TNFRSF13B: variants seen among roughly 807,000 people sequenced by gnomAD.
TNFRSF13B encodes the protein tumor necrosis factor receptor superfamily member 13B.
A neutral mutation model predicts 24.0 loss-of-function variants in TNFRSF13B; 34 were observed. The ratio of observed to expected loss-of-function variants is 1.41; its 90% CI spans 1.08 to 1.88. TNFRSF13B has a LOEUF of 1.88. Among genes scored for constraint, TNFRSF13B ranks in the 40% most tolerant of loss-of-function variants. The pLI is 0.00. For synonymous variants in TNFRSF13B, 173 were observed against 150.3 expected, an observed-to-expected ratio of 1.15 and a Z score of -1.10; for missense variants, 415 against 380.8, an observed-to-expected ratio of 1.09 and a Z score of -0.75.
intron 1 of TNFRSF13B, among the ~76,000 whole-genome samples, chr17:16,971,198 A>G (rs1478716832): frequency 1.3e-5 from 2 of 152,068 alleles, no homozygotes; most frequent in African/African-American, 2.4e-5. Flanking sequence ...AAATACAAAA[A>G]ATTAGCCGGG....
At chr17:16,954,763 G>A (rs1266834696) in intron 1 of TNFRSF13B, among the ~76,000 whole-genome samples, 1 of 152,198 alleles carries the variant, frequency 6.6e-6, no homozygotes, top group East Asian at 1.9e-4. Flanking sequence ...TAAAGAGGGT[G>A]TGACCCCAGC....
chr17:16,967,367 C>T (rs1176122699), intron 1 of TNFRSF13B, among the ~76,000 whole-genome samples: 2 of 151,930 alleles, frequency 1.3e-5, no homozygotes, highest in East Asian at 3.9e-4. Context: ...GGCTCATAGG[C>T]CCTGTTTTTG....
At chr17:16,963,094 C>T (rs557916077) in intron 1 of TNFRSF13B, among the ~76,000 whole-genome samples, 11 of 152,272 alleles carry the variant, frequency 7.2e-5, no homozygotes, top group African/African-American at 2.4e-4. Flanking sequence ...ACCTTGGGCA[C>T]GACTTCTGCT....
chr17:16,970,423 G>A (rs1252442313), intron 1 of TNFRSF13B, among the ~76,000 whole-genome samples: 3 of 152,182 alleles, frequency 2.0e-5, no homozygotes, highest in African/African-American at 7.2e-5. Context: ...GGCTTGGCCG[G>A]TTAACAGGTG....
At chr17:16,968,157 GAA>G (rs869150112) in intron 1 of TNFRSF13B, among the ~76,000 whole-genome samples, 3 of 40,436 alleles carry the variant, frequency 7.4e-5, no homozygotes, top group East Asian at 3.8e-3. Context: ...AAAAAAAAAA[GAA>G]AAAAGAAAGG....
chr17:16,946,606 G>A lies in TNFRSF13B; in HGVS notation c.445+2132C>T, dbSNP rs1350487737. On this transcript the variant is annotated intron_variant, in intron 3 of 4. Coordinates refer to ENST00000261652, the MANE Select transcript of TNFRSF13B (RefSeq NM_012452.3). ...TTTATTTATTTATTTATTTTTTTTT[G>A]AGACACAGTCTCACTGTGTCCCTCA... is the stretch of plus-strand genomic sequence containing the variant. Among the ~76,000 whole-genome samples, 8 of 116,434 alleles carry A rather than the reference G, an allele frequency of 6.9e-5. No individual in the cohort carries two copies. The East Asian group carries it at 1.9e-3, about 27-fold the overall frequency. The allele number at this position is 116,434 out of a possible 152,430, so 76.4% of individuals were successfully genotyped here.
intron 1 of TNFRSF13B, among the ~76,000 whole-genome samples, chr17:16,964,333 A>G (rs2143682854): frequency 7.4e-6 from 1 of 135,054 alleles, no homozygotes; most frequent in African/African-American, 2.8e-5. Flanking sequence ...CACCATCTCC[A>G]TGCCTTTTTT....
chr17:16,961,105 C>G (rs11867717), intron 1 of TNFRSF13B, among the ~76,000 whole-genome samples: 81,011 of 151,558 alleles, frequency 0.53, 22,014 homozygotes, highest in Non-Finnish European at 0.59. Flanking sequence ...AAATAAGCAG[C>G]GTTAGAGATC....
chr17:16,946,767 TGGTAGAGATGG>T (rs1447400636), intron 3 of TNFRSF13B, among the ~76,000 whole-genome samples: 14 of 152,000 alleles, frequency 9.2e-5, no homozygotes, highest in Non-Finnish European at 1.9e-4. Flanking sequence ...TTTGTATTTT[TGGTAGAGATGG>T]GGTTTCCCCT....
intron 2 of TNFRSF13B, 66 bp downstream of exon 2, chr17:16,952,380 G>C (rs1597662877): frequency 6.2e-7 from 1 of 1,609,692 alleles, no homozygotes; most frequent in East Asian, 2.2e-5. Flanking sequence ...TGGGGCCAGA[G>C]GGTGCTCTAG....
At chr17:16,946,568 ATT>A (rs1273309613) in intron 3 of TNFRSF13B, among the ~76,000 whole-genome samples, 1 of 137,924 alleles carries the variant, frequency 7.3e-6, no homozygotes, top group Non-Finnish European at 1.6e-5. Flanking sequence ...TATTATTTTT[ATT>A]TTTATTTTTA....
chr17:16,963,229 C>T (rs928273237), intron 1 of TNFRSF13B, among the ~76,000 whole-genome samples: 9 of 152,206 alleles, frequency 5.9e-5, no homozygotes, highest in African/African-American at 2.2e-4. Flanking sequence ...AAGACAACCC[C>T]CTGAGCTGCT....
intron 1 of TNFRSF13B, among the ~76,000 whole-genome samples, chr17:16,959,203 TAAAC>T (rs2087645046): frequency 6.6e-6 from 1 of 151,964 alleles, no homozygotes; most frequent in Non-Finnish European, 1.5e-5. Context: ...ATGTGTAAAT[TAAAC>T]AACACGCTCT....
At chr17:16,941,153 G>T (rs1393338680) in intron 3 of TNFRSF13B, 1 of 898,526 alleles carries the variant, frequency 1.1e-6, no homozygotes. Context: ...TGGCTGCAGA[G>T]GTTCAGTACA....
At chr17:16,953,874 G>C (rs1218964204) in intron 1 of TNFRSF13B, among the ~76,000 whole-genome samples, 1 of 152,128 alleles carries the variant, frequency 6.6e-6, no homozygotes, top group Non-Finnish European at 1.5e-5. Flanking sequence ...GGTTCAAGCA[G>C]TTCTCCTGCA....
chr17:16,948,792 C>T lies in TNFRSF13B; in HGVS notation c.391G>A (p.Asp131Asn), dbSNP rs2087567198. Reference protein sequence around the residue: ...QRSGEVENNSDNSGRYQGLEH... With the variant: ...QRSGEVENNSNNSGRYQGLEH... ...AATCCTTGGTACCTTCCCGAGTTGT[C>T]TGAATTGTTTTCAACTTCTCCACTC... The change falls in exon 3 of 5, where the codon GAC (aspartate) becomes AAC (asparagine). Residue 131 changes from aspartate to asparagine, a missense_variant. Transcript: ENST00000261652. 6.2e-7 allele frequency: 1 copy of T among 1,614,210 alleles called. No individual in the cohort carries two copies. The highest frequency in any genetic ancestry group is 8.5e-7 in the Non-Finnish European group (1 of 1,180,034).
At chr17:16,960,518 A>G (rs1005758523) in intron 1 of TNFRSF13B, among the ~76,000 whole-genome samples, 2 of 152,242 alleles carry the variant, frequency 1.3e-5, no homozygotes, top group African/African-American at 2.4e-5. Flanking sequence ...GGGGAAAAGG[A>G]CAGTCTCTTC....
intron 2 of TNFRSF13B, among the ~76,000 whole-genome samples, chr17:16,951,354 A>G (rs777603047): frequency 1.3e-5 from 2 of 152,370 alleles, no homozygotes; most frequent in East Asian, 1.9e-4. Context: ...ACACATACAC[A>G]TGAAAGAACA....
chr17:16,956,487 A>G (rs545310742), intron 1 of TNFRSF13B, among the ~76,000 whole-genome samples: 4 of 152,362 alleles, frequency 2.6e-5, no homozygotes, highest in African/African-American at 4.8e-5. Flanking sequence ...TGTGTTAGGC[A>G]TGTTCAATGA....
Sources: allele counts gnomAD v4.1 joint callset (sites outside exome capture counted in the v4.1 genomes callset), GRCh38; gene constraint gnomAD v4.1.1; transcripts MANE v1.5; gene names NCBI Gene and HGNC (gene_info 2026-07-23, HGNC 2026-07-21).